Variants in RBFOX1 observed in about 807,000 individuals in gnomAD.
The protein encoded by RBFOX1 is RNA binding fox-1 homolog 1, also known as RNA binding protein fox-1 homolog 1.
RBFOX1 carries 8 observed loss-of-function variants against 57.7 expected under a neutral mutation model. The ratio of observed to expected loss-of-function variants is 0.14; its 90% confidence interval spans 0.08 to 0.25. The LOEUF (loss-of-function observed/expected upper bound fraction) is 0.25, where lower values mean the gene tolerates loss of function less well. Among genes scored for constraint, RBFOX1 ranks in the 10% least tolerant of loss-of-function variants. The pLI is 1.00. For missense variants in RBFOX1, 611 were observed against 548.5 expected (o/e 1.11, Z -1.14); for synonymous variants, 326 against 222.4 (o/e 1.47, Z -4.15).
At chr16:6,952,522 C>T (rs1456519863) in intron 3 of RBFOX1, among the ~76,000 whole-genome samples, 1 of 151,962 alleles carries the variant, frequency 6.6e-6, no homozygotes, top group African/African-American at 2.4e-5. Flanking sequence ...CCTGTAGTCC[C>T]ACCTACCTGG....
chr16:7,360,256 C>A (rs1429347021), intron 4 of RBFOX1, among the ~76,000 whole-genome samples: 2 of 151,890 alleles, frequency 1.3e-5, no homozygotes, highest in African/African-American at 4.8e-5. Flanking sequence ...CATTTTTTCC[C>A]AATAGCCTAG....
intron 3 of RBFOX1, among the ~76,000 whole-genome samples, chr16:5,653,964 C>G (rs1359071236): frequency 1.3e-5 from 2 of 152,172 alleles, no homozygotes; most frequent in African/African-American, 2.4e-5. Context: ...GTTCTCAGAT[C>G]CCATCTGGTC....
chr16:7,662,984 C>T (rs141894602), intron 12 of RBFOX1, among the ~76,000 whole-genome samples: 1 of 152,116 alleles, frequency 6.6e-6, no homozygotes, highest in African/African-American at 2.4e-5. Context: ...CATGTCACTG[C>T]TTTTGGATGA....
intron 3 of RBFOX1, among the ~76,000 whole-genome samples, chr16:6,723,385 G>T (rs1390394242): frequency 1.3e-5 from 2 of 152,064 alleles, no homozygotes; most frequent in African/African-American, 2.4e-5. Flanking sequence ...GGATTAAAAA[G>T]ATAAAGACTT....
intron 10 of RBFOX1, among the ~76,000 whole-genome samples, chr16:7,617,837 A>G (rs1484054672): frequency 6.6e-6 from 1 of 152,150 alleles, no homozygotes; most frequent in Non-Finnish European, 1.5e-5. Context: ...AAAGAATAAC[A>G]AGGCTCTCTG....
chr16:7,032,507 A>T (rs925943944), intron 3 of RBFOX1, among the ~76,000 whole-genome samples: 1 of 152,148 alleles, frequency 6.6e-6, no homozygotes, highest in Non-Finnish European at 1.5e-5. Flanking sequence ...GGAAAAAAAT[A>T]AAACCTATGG....
intron 4 of RBFOX1, among the ~76,000 whole-genome samples, chr16:7,465,443 C>T (rs2060340828): frequency 2.6e-5 from 4 of 152,314 alleles, no homozygotes; most frequent in South Asian, 2.1e-4. Flanking sequence ...TGTGGAATGA[C>T]TTGGGAGCAG....
chr16:6,251,729 C>G (rs574278223), intron 1 of RBFOX1, among the ~76,000 whole-genome samples: 1 of 152,214 alleles, frequency 6.6e-6, no homozygotes, highest in East Asian at 1.9e-4. Context: ...AATGAAAAAA[C>G]TGGACCCAAA....
intron 1 of RBFOX1, among the ~76,000 whole-genome samples, chr16:6,114,119 A>G (rs2096474215): frequency 6.6e-6 from 1 of 152,168 alleles, no homozygotes; most frequent in South Asian, 2.1e-4. Context: ...CTTCTCTCAT[A>G]TTCACAAAGA....
At chr16:5,587,241 G>A (rs964209563) in intron 2 of RBFOX1, among the ~76,000 whole-genome samples, 5 of 152,244 alleles carry the variant, frequency 3.3e-5, no homozygotes, top group African/African-American at 9.6e-5. Context: ...CAGCAATACA[G>A]ACACAACTCA....
chr16:5,818,138 C>T (rs566450864), intron 3 of RBFOX1, among the ~76,000 whole-genome samples: 2 of 152,166 alleles, frequency 1.3e-5, no homozygotes, highest in Non-Finnish European at 2.9e-5. Context: ...ATTAGATCAT[C>T]ACCATCCTTA....
chr16:5,618,605 G>A (rs2048116372), intron 3 of RBFOX1, among the ~76,000 whole-genome samples: 1 of 152,174 alleles, frequency 6.6e-6, no homozygotes, highest in African/African-American at 2.4e-5. Context: ...CCAAAGTGCT[G>A]GGATCACAGG....
Position 6,989,225 on chromosome 16 carries a change from G to T in RBFOX1, c.-15-62832G>T, listed in dbSNP as rs117633187. On this transcript the variant is annotated intron_variant, in intron 3 of 15. Coordinates refer to ENST00000550418, the MANE Select transcript of RBFOX1 (RefSeq NM_018723.4). ...TTTCCGTTTTAAAATGTGGCTATTA[G>T]AAAAATTTTAATTGCATGTATTGCT... 5.6e-3 allele frequency among the ~76,000 whole-genome samples: 849 copies of T among 152,162 alleles called. 3 individuals are homozygous for T. The highest frequency in any genetic ancestry group is 9.1e-3 in the Non-Finnish European group (622 of 67,992).
At chr16:5,765,033 A>G (rs866217544) in intron 3 of RBFOX1, among the ~76,000 whole-genome samples, 12 of 152,188 alleles carry the variant, frequency 7.9e-5, no homozygotes, top group South Asian at 2.1e-4. Context: ...TGTTTTATGA[A>G]TCAGGAAACA....
chr16:7,373,313 A>G (rs35768351), intron 4 of RBFOX1, among the ~76,000 whole-genome samples: 6,486 of 152,258 alleles, frequency 0.043, 210 homozygotes, highest in Non-Finnish European at 0.065. Flanking sequence ...TGAATTTAGA[A>G]CATAAAGATC....
At chr16:6,149,152 C>T (rs1271993597) in intron 1 of RBFOX1, among the ~76,000 whole-genome samples, 3 of 152,160 alleles carry the variant, frequency 2.0e-5, no homozygotes, top group Non-Finnish European at 2.9e-5. Flanking sequence ...TTTTGTTAGG[C>T]GCTTTGGGGG....
chr16:6,035,844 G>C (rs2095358545), intron 1 of RBFOX1, among the ~76,000 whole-genome samples: 1 of 152,200 alleles, frequency 6.6e-6, no homozygotes, highest in Non-Finnish European at 1.5e-5. Flanking sequence ...AAAGAGGCAA[G>C]CTTATCATGA....
At chr16:7,449,369 T>C (rs1236257450) in intron 4 of RBFOX1, among the ~76,000 whole-genome samples, 1 of 152,146 alleles carries the variant, frequency 6.6e-6, no homozygotes, top group Non-Finnish European at 1.5e-5. Flanking sequence ...AAGTAGTCAG[T>C]GGGGGAGAAT....
At chr16:6,188,486 C>G (rs1328575664) in intron 1 of RBFOX1, among the ~76,000 whole-genome samples, 1 of 149,008 alleles carries the variant, frequency 6.7e-6, no homozygotes, top group Non-Finnish European at 1.5e-5. Flanking sequence ...CAACCTTTCT[C>G]TGATGTTATT....
Sources: allele counts gnomAD v4.1 joint callset (sites outside exome capture counted in the v4.1 genomes callset), GRCh38; gene constraint gnomAD v4.1.1; transcripts MANE v1.5; gene names NCBI Gene and HGNC (gene_info 2026-07-23, HGNC 2026-07-21).